CDH13: variants seen among roughly 807,000 people sequenced by gnomAD.
CDH13 encodes the protein cadherin-13.
CDH13 carries 24 observed loss-of-function variants against 63.8 expected under a neutral mutation model. The ratio of observed to expected loss-of-function variants is 0.38; its 90% confidence interval spans 0.27 to 0.53. CDH13 has a LOEUF of 0.53. Ranked by LOEUF, CDH13 falls within the 20% of genes least tolerant of loss-of-function variation. The pLI is 0.85. For synonymous variants in CDH13, 503 were observed against 355.3 expected, an observed-to-expected ratio of 1.42 and a Z score of -4.67; for missense variants, 1,049 against 903.1, an observed-to-expected ratio of 1.16 and a Z score of -2.07.
At position 83,527,684 on chromosome 16, in the gene CDH13, G is replaced by T. The variant is rs186688393; in HGVS notation, c.960+41029G>T. On this transcript the variant is annotated intron_variant, in intron 7 of 13. Transcript: ENST00000567109. ...ACACCTGACCCAGGTGCTACGAAAG[G>T]ACCCAGTAAGCAAATGCTGAGACAA... Among the ~76,000 whole-genome samples the T allele has an allele frequency of 1.6e-3, 236 of 152,228 alleles. 2 individuals are homozygous for T. Among genetic ancestry groups the T allele is most frequent in the African/African-American group, 5.4e-3 (225 of 41,550 alleles).
At chr16:82,775,579 T>A (rs550509319) in intron 1 of CDH13, among the ~76,000 whole-genome samples, 1 of 152,248 alleles carries the variant, frequency 6.6e-6, no homozygotes, top group East Asian at 1.9e-4. Context: ...TACTCTGTTA[T>A]CCCCCATTTT....
chr16:83,085,772 T>C (rs1352428590), intron 3 of CDH13, among the ~76,000 whole-genome samples: 2 of 152,224 alleles, frequency 1.3e-5, no homozygotes, highest in African/African-American at 4.8e-5. Flanking sequence ...GGAAACGTTA[T>C]TTTCTTGCTG....
intron 5 of CDH13, among the ~76,000 whole-genome samples, chr16:83,279,549 T>C (rs921964139): frequency 1.3e-5 from 2 of 152,206 alleles, no homozygotes; most frequent in African/African-American, 4.8e-5. Flanking sequence ...AATCTCACCT[T>C]AAAGGTCAGG....
chr16:83,500,361 C>T (rs867578117), intron 7 of CDH13, among the ~76,000 whole-genome samples: 1 of 2,352 alleles, frequency 4.3e-4, no homozygotes, highest in African/African-American at 4.7e-4. Flanking sequence ...CTCCTTCTTC[C>T]TTCTTCCTTC....
chr16:82,760,096 A>G lies in CDH13; in HGVS notation c.46-98266A>G, dbSNP rs74030845. The stretch of plus-strand genomic sequence containing the variant: ...TCTTTTCCAAAATCCTTATGATTTT[A>G]TTGCACAATTTTCCTAAGCATAGAG... On this transcript the variant is annotated intron_variant, in intron 1 of 13. Transcript: ENST00000567109. Among the ~76,000 whole-genome samples the G allele has an allele frequency of 4.1e-3, 628 of 152,334 alleles. 3 individuals carry two copies. Among genetic ancestry groups the G allele is most frequent in the African/African-American group, 0.015 (605 of 41,594 alleles).
chr16:82,838,971 A>T (rs182784753), intron 1 of CDH13, among the ~76,000 whole-genome samples: 1 of 152,346 alleles, frequency 6.6e-6, no homozygotes, highest in East Asian at 1.9e-4. Flanking sequence ...GGGCAGCTAC[A>T]CTACTCTACT....
chr16:83,700,570 C>G (rs994488907), intron 10 of CDH13, among the ~76,000 whole-genome samples: 1 of 152,192 alleles, frequency 6.6e-6, no homozygotes, highest in South Asian at 2.1e-4. Context: ...AGGTGAACTG[C>G]TAAAAAGTTG....
At chr16:83,589,390 C>T (rs991021308) in intron 7 of CDH13, among the ~76,000 whole-genome samples, 1 of 146,346 alleles carries the variant, frequency 6.8e-6, no homozygotes, top group East Asian at 2.1e-4. Context: ...ACACCATCTT[C>T]TCTGCTTCCA....
chr16:83,167,499 C>CAAAAAAAAAAAAAA lies in CDH13; in HGVS notation c.483+42007_483+42020dup, dbSNP rs11430454. Among the ~76,000 whole-genome samples the CAAAAAAAAAAAAAA allele has an allele frequency of 2.2e-3, 215 of 99,508 alleles. 4 individuals carry two copies. The highest frequency in any genetic ancestry group is 8.2e-3 in the African/African-American group (205 of 24,960). 65.3% of individuals were successfully genotyped at this position (99,508 alleles called of 152,430 possible). ...TGAGGGACAGAGTGAGACCCTTTCCCAAAAAAAAAAAAAAAAAAAAAAGCA... is the reference window on the plus strand; with the variant it reads ...TGAGGGACAGAGTGAGACCCTTTCCCAAAAAAAAAAAAAAAAAAAAAAAAAAAAAAAAAAAAGCA... On this transcript the variant is annotated intron_variant, in intron 4 of 13. Transcript: ENST00000567109.
chr16:83,365,371 T>C (rs2091239501), intron 6 of CDH13, among the ~76,000 whole-genome samples: 1 of 152,198 alleles, frequency 6.6e-6, no homozygotes, highest in Non-Finnish European at 1.5e-5. Context: ...GGAAGGGTCA[T>C]TTCCTTTTCT....
At chr16:82,935,010 C>A (rs531901208) in intron 2 of CDH13, among the ~76,000 whole-genome samples, 1 of 152,190 alleles carries the variant, frequency 6.6e-6, no homozygotes, top group African/African-American at 2.4e-5. Flanking sequence ...GGTATCCTTA[C>A]GGCAGCACCC....
intron 10 of CDH13, among the ~76,000 whole-genome samples, chr16:83,690,031 C>G (rs1017113667): frequency 6.6e-6 from 1 of 150,936 alleles, no homozygotes; most frequent in Non-Finnish European, 1.5e-5. Context: ...ACTAAAAATA[C>G]AAAATTAGCC....
At chr16:82,937,854 T>A (rs183624639) in intron 2 of CDH13, among the ~76,000 whole-genome samples, 123 of 152,356 alleles carry the variant, frequency 8.1e-4, no homozygotes, top group African/African-American at 2.8e-3. Flanking sequence ...TTTAAATATT[T>A]CTAAACAGCT....
At chr16:82,705,299 T>G in intron 1 of CDH13, 1 of 370,222 alleles carries the variant, frequency 2.7e-6, no homozygotes, top group African/African-American at 2.1e-5. Context: ...ATATTCTTAC[T>G]TAAGATCTGA....
chr16:83,599,041 G>C (rs1239390201), intron 7 of CDH13, among the ~76,000 whole-genome samples: 1 of 152,210 alleles, frequency 6.6e-6, no homozygotes, highest in East Asian at 1.9e-4. Flanking sequence ...TAGATCAGGA[G>C]TGGGGTCAGC....
At chr16:83,772,732 A>C (rs1352196502) in intron 11 of CDH13, 1 of 151,996 alleles carries the variant, frequency 6.6e-6, no homozygotes, top group African/African-American at 2.4e-5. Context: ...CATTTTTGGA[A>C]CCCTCCTTTC....
intron 1 of CDH13, among the ~76,000 whole-genome samples, chr16:82,694,124 TC>T (rs1437642188): frequency 2.0e-5 from 3 of 152,190 alleles, no homozygotes; most frequent in Non-Finnish European, 4.4e-5. Context: ...TAATTCTGTC[TC>T]CCCAGTTAAT....
At chr16:83,781,845 T>C (rs1490294980) in intron 12 of CDH13, among the ~76,000 whole-genome samples, 2 of 151,620 alleles carry the variant, frequency 1.3e-5, no homozygotes, top group Non-Finnish European at 2.9e-5. Context: ...GGTGATGGGA[T>C]GATTTGTGCA....
At position 83,114,496 on chromosome 16, in the gene CDH13, A is replaced by C. The variant is rs537969845; in HGVS notation, c.367-10889A>C. On this transcript the variant is annotated intron_variant, in intron 3 of 13. Transcript: ENST00000567109. ...CAACCATCATCTTCTCTGACCCTTTAAAATGACTTCCCTCACACCCCCTGC... is the reference window on the plus strand; with the variant it reads ...CAACCATCATCTTCTCTGACCCTTTCAAATGACTTCCCTCACACCCCCTGC... Among the ~76,000 whole-genome samples the C allele has an allele frequency of 9.8e-5, 15 of 152,328 alleles. No homozygotes were observed. The South Asian group carries it at 2.9e-3, about 29-fold the overall frequency.
Sources: allele counts gnomAD v4.1 joint callset (sites outside exome capture counted in the v4.1 genomes callset), GRCh38; gene constraint gnomAD v4.1.1; transcripts MANE v1.5; gene names NCBI Gene and HGNC (gene_info 2026-07-23, HGNC 2026-07-21).